Variants in FCHSD2 observed in about 807,000 individuals in gnomAD.
FCHSD2 encodes the protein FCH and double SH3 domains 2.
FCHSD2 carries 38 observed loss-of-function variants against 108.1 expected under a neutral mutation model. That is an observed-to-expected ratio of 0.35 (90% confidence interval 0.27 to 0.46). FCHSD2 has a LOEUF of 0.46. FCHSD2 is among the 20% of genes least tolerant of loss of function. FCHSD2 has a pLI of 1.00. For missense variants in FCHSD2, 751 were observed against 897.8 expected (o/e 0.84, Z 2.09); for synonymous variants, 279 against 314.7 (o/e 0.89, Z 1.20).
intron 12 of FCHSD2, among the ~76,000 whole-genome samples, chr11:72,880,848 A>G (rs1192173806): frequency 6.6e-6 from 1 of 150,590 alleles, no homozygotes; most frequent in Non-Finnish European, 1.5e-5. Context: ...AGCCTGGGTG[A>G]CAGAGTGATA....
At chr11:73,123,737 C>T (rs776393202) in intron 2 of FCHSD2, among the ~76,000 whole-genome samples, 45 of 152,180 alleles carry the variant, frequency 3.0e-4, no homozygotes, top group Non-Finnish European at 6.0e-4. Flanking sequence ...GAGTATATCA[C>T]CTCTCAGACT....
At chr11:73,080,619 T>C (rs1859661787) in intron 3 of FCHSD2, among the ~76,000 whole-genome samples, 1 of 152,042 alleles carries the variant, frequency 6.6e-6, no homozygotes, top group Non-Finnish European at 1.5e-5. Context: ...ATGTCTAGAA[T>C]TGACAAAGAG....
intron 8 of FCHSD2, among the ~76,000 whole-genome samples, chr11:72,959,950 T>C (rs1340415895): frequency 1.3e-5 from 2 of 151,848 alleles, no homozygotes; most frequent in African/African-American, 2.4e-5. Context: ...TTGAGGAAGA[T>C]GGTTTTAAAA....
At chr11:73,111,588 A>C (rs568817586) in intron 2 of FCHSD2, among the ~76,000 whole-genome samples, 2 of 151,536 alleles carry the variant, frequency 1.3e-5, no homozygotes, top group East Asian at 3.9e-4. Flanking sequence ...TGAAGAGTTT[A>C]ATCCATTTAC....
chr11:72,893,643 G>A (rs948556496), intron 10 of FCHSD2, among the ~76,000 whole-genome samples: 6 of 150,734 alleles, frequency 4.0e-5, no homozygotes, highest in African/African-American at 7.3e-5. Context: ...TTTTAAAAAT[G>A]TATTTGATAC....
intron 2 of FCHSD2, among the ~76,000 whole-genome samples, chr11:73,103,553 TC>T (rs1860272353): frequency 6.6e-6 from 1 of 152,190 alleles, no homozygotes; most frequent in African/African-American, 2.4e-5. Context: ...ATTGAATATA[TC>T]TACAATTGTG....
In FCHSD2 at chr11:72,851,101, C is replaced by CAAAAAAAAA. The variant is rs55916551; in HGVS notation, c.1309-1221_1309-1213dup. Among the ~76,000 whole-genome samples, 5 of 70,110 alleles carry CAAAAAAAAA rather than the reference C, an allele frequency of 7.1e-5. 2 individuals are homozygous for CAAAAAAAAA. The highest frequency in any genetic ancestry group is 1.2e-4 in the African/African-American group (2 of 16,348). 46.0% of individuals were successfully genotyped at this position (70,110 alleles called of 152,430 possible). ...GGGGCGACACAGCGTGACTCTGTCT[C>CAAAAAAAAA]AAAAAAAAAAAAAAAAAAAAAAAGG... On this transcript the variant is annotated intron_variant, in intron 13 of 19. Coordinates refer to ENST00000409418, the MANE Select transcript of FCHSD2 (RefSeq NM_014824.3).
chr11:73,011,389 A>G (rs1035228149), intron 4 of FCHSD2, among the ~76,000 whole-genome samples: 1 of 152,150 alleles, frequency 6.6e-6, no homozygotes, highest in African/African-American at 2.4e-5. Context: ...CACCTAGGCT[A>G]GCAGGTGGGG....
At chr11:72,850,067 T>G (rs969835044) in intron 13 of FCHSD2, among the ~76,000 whole-genome samples, 178 bp from the exon 14 acceptor site, 21 of 148,374 alleles carry the variant, frequency 1.4e-4, no homozygotes, top group Middle Eastern at 6.8e-3. Context: ...GTTTTTTTTT[T>G]TTTTTTTTTT....
At chr11:72,935,589 C>A (rs1412357017) in intron 8 of FCHSD2, among the ~76,000 whole-genome samples, 1 of 152,072 alleles carries the variant, frequency 6.6e-6, no homozygotes, top group Non-Finnish European at 1.5e-5. Flanking sequence ...TCAGAAGACC[C>A]CAAGCTACGC....
chr11:73,052,044 A>G (rs552583954), intron 3 of FCHSD2, among the ~76,000 whole-genome samples: 2 of 152,176 alleles, frequency 1.3e-5, no homozygotes, highest in Non-Finnish European at 2.9e-5. Flanking sequence ...CTGGTTAATG[A>G]CATGGAAGAC....
At chr11:73,030,453 C>T (rs956456413) in intron 3 of FCHSD2, among the ~76,000 whole-genome samples, 6 of 152,058 alleles carry the variant, frequency 3.9e-5, no homozygotes, top group Non-Finnish European at 8.8e-5. Flanking sequence ...ATAGTTTTTA[C>T]GCCAACCAGG....
intron 8 of FCHSD2, among the ~76,000 whole-genome samples, chr11:72,930,743 A>AAAAAC (rs1250635381): frequency 1.1e-4 from 16 of 152,334 alleles, no homozygotes; most frequent in African/African-American, 1.7e-4. Context: ...ACTCTGTCTC[A>AAAAAC]AAAACAAAAC....
At chr11:72,983,304 A>G (rs11235626) in intron 8 of FCHSD2, among the ~76,000 whole-genome samples, 3,757 of 150,062 alleles carry the variant, frequency 0.025, 144 homozygotes, top group African/African-American at 0.09. Flanking sequence ...AAAAAAAAAA[A>G]AAAATAAATA....
intron 2 of FCHSD2, among the ~76,000 whole-genome samples, chr11:73,131,361 CAAAAA>C (rs55755311): frequency 2.0e-5 from 2 of 101,240 alleles, no homozygotes; most frequent in Admixed American, 1.1e-4. Flanking sequence ...ACTAAAAGTA[CAAAAA>C]AAAAAAAAAA....
At chr11:72,931,274 T>G (rs1856186442) in intron 8 of FCHSD2, among the ~76,000 whole-genome samples, 1 of 144,808 alleles carries the variant, frequency 6.9e-6, no homozygotes, top group African/African-American at 2.5e-5. Context: ...TTTGTGGGTT[T>G]TTTTTTTTTT....
intron 8 of FCHSD2, among the ~76,000 whole-genome samples, chr11:72,943,513 T>C (rs1856461342): frequency 1.3e-5 from 2 of 152,128 alleles, no homozygotes; most frequent in Admixed American, 1.3e-4. Context: ...TCATATTACC[T>C]TGGTTATTTA....
At chr11:72,860,053 A>C (rs1343648938) in intron 13 of FCHSD2, among the ~76,000 whole-genome samples, 2 of 152,192 alleles carry the variant, frequency 1.3e-5, no homozygotes, top group Non-Finnish European at 2.9e-5. Flanking sequence ...TTAGATTCTC[A>C]TAAGGAGGGT....
intron 3 of FCHSD2, among the ~76,000 whole-genome samples, chr11:73,068,729 G>C (rs1859355502): frequency 6.7e-6 from 1 of 150,296 alleles, no homozygotes; most frequent in South Asian, 2.1e-4. Flanking sequence ...CAACACTTTG[G>C]GAGGCCGAGG....
Sources: allele counts gnomAD v4.1 joint callset (sites outside exome capture counted in the v4.1 genomes callset), GRCh38; gene constraint gnomAD v4.1.1; transcripts MANE v1.5; gene names NCBI Gene and HGNC (gene_info 2026-07-23, HGNC 2026-07-21).